Variants in HPSE2 observed in about 807,000 individuals in gnomAD.
The protein encoded by HPSE2 is inactive heparanase-2.
A neutral mutation model predicts 60.5 loss-of-function variants in HPSE2; 38 were observed. That is an observed-to-expected ratio of 0.63 (90% confidence interval 0.48 to 0.82). HPSE2 has a LOEUF of 0.82. Ranked by LOEUF, HPSE2 falls within the 40% of genes least tolerant of loss-of-function variation. The pLI is 0.00. For synonymous variants in HPSE2, 295 were observed against 293.2 expected (o/e 1.01, Z -0.06); for missense variants, 713 against 740.4 (o/e 0.96, Z 0.43).
chr10:98,663,860 G>A (rs943389294), intron 6 of HPSE2, among the ~76,000 whole-genome samples: 6 of 152,160 alleles, frequency 3.9e-5, no homozygotes, highest in Admixed American at 1.3e-4. Flanking sequence ...TGGTGCCAGG[G>A]AACAGTCAGA....
At chr10:98,725,383 T>C (rs1211907327) in intron 4 of HPSE2, among the ~76,000 whole-genome samples, 1 of 152,168 alleles carries the variant, frequency 6.6e-6, no homozygotes, top group African/African-American at 2.4e-5. Flanking sequence ...AAACAAGGAA[T>C]GGGGAAAGGA....
intron 6 of HPSE2, among the ~76,000 whole-genome samples, chr10:98,657,114 A>T (rs1284123005): frequency 4.0e-5 from 6 of 151,346 alleles, no homozygotes; most frequent in African/African-American, 1.5e-4. Context: ...TTGCTACTCT[A>T]ACCCTATTTT....
upstream of HPSE2, among the ~76,000 whole-genome samples, chr10:99,239,429 T>G (rs962358819): frequency 8.4e-5 from 11 of 130,886 alleles, no homozygotes; most frequent in African/African-American, 2.9e-4. Flanking sequence ...TTTTTTTTTT[T>G]TTTTTTTTTT....
chr10:99,129,901 A>C (rs956202566), intron 3 of HPSE2, among the ~76,000 whole-genome samples: 8 of 152,090 alleles, frequency 5.3e-5, no homozygotes, highest in African/African-American at 1.9e-4. Flanking sequence ...CCAAGAAAAG[A>C]AGAGAGAAGA....
At chr10:98,544,479 G>A (rs1214945058) in intron 9 of HPSE2, among the ~76,000 whole-genome samples, 1 of 152,038 alleles carries the variant, frequency 6.6e-6, no homozygotes, top group Non-Finnish European at 1.5e-5. Context: ...GGGAGGCCGA[G>A]GCAGGCGGAT....
At chr10:99,002,561 G>C (rs867537817) in intron 3 of HPSE2, among the ~76,000 whole-genome samples, 17 of 152,100 alleles carry the variant, frequency 1.1e-4, no homozygotes, top group African/African-American at 2.9e-4. Flanking sequence ...TAAAATACCT[G>C]ACCAATATTC....
At position 99,228,581 on chromosome 10, in the gene HPSE2, T is replaced by C. The variant is rs28527417; in HGVS notation, c.448+3767A>G. On this transcript the variant is annotated intron_variant, in intron 2 of 11. Coordinates refer to ENST00000370552, the MANE Select transcript of HPSE2 (RefSeq NM_021828.5). ...AGAGCAGGTAAAGCATAACATTACATAGAACAAAAAGGAAGTTAGGCAACA... is the reference window on the plus strand; with the variant it reads ...AGAGCAGGTAAAGCATAACATTACACAGAACAAAAAGGAAGTTAGGCAACA... Among the ~76,000 whole-genome samples the C allele has an allele frequency of 4.6e-3, 704 of 152,252 alleles. 4 individuals are homozygous for C. Among genetic ancestry groups the C allele is most frequent in the African/African-American group, 0.015 (641 of 41,556 alleles).
chr10:99,050,908 A>G (rs576237266), intron 3 of HPSE2, among the ~76,000 whole-genome samples: 2 of 152,278 alleles, frequency 1.3e-5, no homozygotes, highest in South Asian at 2.1e-4. Flanking sequence ...AGAAATAAAT[A>G]ACAAATATTT....
At chr10:98,801,646 T>A (rs1222578927) in intron 3 of HPSE2, among the ~76,000 whole-genome samples, 1 of 151,766 alleles carries the variant, frequency 6.6e-6, no homozygotes, top group Non-Finnish European at 1.5e-5. Context: ...ATAAGTGAAA[T>A]ATCTCTACAA....
At chr10:98,895,186 C>T (rs921583828) in intron 3 of HPSE2, among the ~76,000 whole-genome samples, 3 of 152,046 alleles carry the variant, frequency 2.0e-5, no homozygotes, top group African/African-American at 7.2e-5. Context: ...AAAACCCATA[C>T]GTATAGAAAT....
At chr10:98,647,659 A>G (rs899395041) in intron 6 of HPSE2, among the ~76,000 whole-genome samples, 3 of 152,192 alleles carry the variant, frequency 2.0e-5, no homozygotes, top group Non-Finnish European at 4.4e-5. Context: ...TGATTTGAGT[A>G]TTTAGGCTTT....
intron 3 of HPSE2, among the ~76,000 whole-genome samples, chr10:99,140,490 T>C (rs1011712230): frequency 7.9e-5 from 12 of 152,242 alleles, no homozygotes; most frequent in African/African-American, 2.9e-4. Context: ...TCATTCACTA[T>C]GCTTTACATG....
At chr10:98,587,427 G>A (rs1322885761) in intron 9 of HPSE2, among the ~76,000 whole-genome samples, 2 of 152,168 alleles carry the variant, frequency 1.3e-5, no homozygotes, top group Admixed American at 1.3e-4. Flanking sequence ...CAGTTGCTCA[G>A]GAAACAGCCT....
At chr10:98,774,416 G>A (rs1950299609) in intron 3 of HPSE2, among the ~76,000 whole-genome samples, 1 of 151,642 alleles carries the variant, frequency 6.6e-6, no homozygotes, top group Admixed American at 6.6e-5. Flanking sequence ...CTGTTTAAAT[G>A]ATTGTGTCAG....
chr10:99,068,375 G>C (rs537010828), intron 3 of HPSE2, among the ~76,000 whole-genome samples: 1 of 152,154 alleles, frequency 6.6e-6, no homozygotes, highest in African/African-American at 2.4e-5. Context: ...ACAGTTCCAC[G>C]TGGCTGGGGA....
chr10:98,529,119 T>G (rs1564942911), intron 9 of HPSE2, among the ~76,000 whole-genome samples: 2 of 152,224 alleles, frequency 1.3e-5, no homozygotes, highest in Admixed American at 6.5e-5. Flanking sequence ...CAACACACAC[T>G]CAGTGATAGC....
intron 2 of HPSE2, among the ~76,000 whole-genome samples, chr10:99,210,685 A>G (rs1848924380): frequency 6.6e-6 from 1 of 152,210 alleles, no homozygotes. Flanking sequence ...GATCATCTCA[A>G]CAGATGTAGA....
intron 6 of HPSE2, among the ~76,000 whole-genome samples, chr10:98,670,671 TA>T (rs1223972677): frequency 1.3e-5 from 2 of 152,218 alleles, no homozygotes. Flanking sequence ...ACCCAGTAGT[TA>T]AAAATCAACT....
chr10:98,499,848 C>A (rs1055422106), intron 9 of HPSE2, among the ~76,000 whole-genome samples: 1 of 152,158 alleles, frequency 6.6e-6, no homozygotes, highest in Non-Finnish European at 1.5e-5. Context: ...CAAATGGACA[C>A]CAAAAGCAAG....
Sources: allele counts gnomAD v4.1 joint callset (sites outside exome capture counted in the v4.1 genomes callset), GRCh38; gene constraint gnomAD v4.1.1; transcripts MANE v1.5; gene names NCBI Gene and HGNC (gene_info 2026-07-23, HGNC 2026-07-21).